Variants in PEX5L observed in about 807,000 individuals in gnomAD.
The protein encoded by PEX5L is PEX5-related protein.
In PEX5L, 30 loss-of-function variants were observed where a neutral mutation model predicts 84.0. That is an observed-to-expected ratio of 0.36 (90% CI 0.27 to 0.48). PEX5L has a LOEUF of 0.48. PEX5L is among the 20% of genes least tolerant of loss of function. The probability of loss-of-function intolerance (pLI) is 0.99; values close to 1 mark genes in which losing one functional copy is unlikely to be tolerated. For missense variants in PEX5L, 533 were observed against 754.6 expected, an observed-to-expected ratio of 0.71 and a Z score of 3.44; for synonymous variants, 270 against 283.1, an observed-to-expected ratio of 0.95 and a Z score of 0.46.
intron 2 of PEX5L, among the ~76,000 whole-genome samples, chr3:179,915,301 G>A (rs1766629847): frequency 6.6e-6 from 1 of 152,182 alleles, no homozygotes; most frequent in South Asian, 2.1e-4. Context: ...GGGATGGGAG[G>A]TTTTGAATTT....
At chr3:179,921,566 A>T (rs889849551) in intron 2 of PEX5L, 9 of 152,188 alleles carry the variant, frequency 5.9e-5, no homozygotes. Context: ...GCAACCTACC[A>T]AGTATCATCA....
At chr3:179,938,037 C>A (rs1004343805) in intron 2 of PEX5L, among the ~76,000 whole-genome samples, 2 of 151,994 alleles carry the variant, frequency 1.3e-5, no homozygotes, top group Non-Finnish European at 2.9e-5. Context: ...CTACCTTCAC[C>A]ACCTCCAACA....
intron 1 of PEX5L, among the ~76,000 whole-genome samples, chr3:180,012,513 T>C (rs565298433): frequency 1.3e-5 from 2 of 152,248 alleles, no homozygotes; most frequent in South Asian, 4.1e-4. Flanking sequence ...TTTAAACCCA[T>C]TGTCTTCTTT....
chr3:179,948,097 T>C (rs1024537547), intron 2 of PEX5L, among the ~76,000 whole-genome samples: 1 of 152,218 alleles, frequency 6.6e-6, no homozygotes, highest in Non-Finnish European at 1.5e-5. Flanking sequence ...CAGATGCTTT[T>C]TCTTAGTTAA....
chr3:179,816,244 A>G (rs1457987612), intron 9 of PEX5L, among the ~76,000 whole-genome samples: 3 of 152,222 alleles, frequency 2.0e-5, no homozygotes, highest in Non-Finnish European at 4.4e-5. Flanking sequence ...CCCATTACTG[A>G]GTATATACCC....
At chr3:180,024,547 A>AAC (rs1333445240) in intron 1 of PEX5L, among the ~76,000 whole-genome samples, 1 of 104,196 alleles carries the variant, frequency 9.6e-6, no homozygotes, top group Admixed American at 8.0e-5. Flanking sequence ...TCCGTTTCAA[A>AAC]AAAAAAAAAA....
intron 2 of PEX5L, among the ~76,000 whole-genome samples, chr3:179,945,701 C>A (rs1438335532): frequency 6.6e-6 from 1 of 152,180 alleles, no homozygotes; most frequent in African/African-American, 2.4e-5. Flanking sequence ...CTTGGGAGTG[C>A]TACAGAGGTT....
intron 1 of PEX5L, among the ~76,000 whole-genome samples, chr3:180,028,379 C>T (rs890863928): frequency 7.2e-5 from 11 of 151,998 alleles, no homozygotes; most frequent in African/African-American, 2.2e-4. Context: ...GCTTACAGGC[C>T]GTATTTTCTT....
At chr3:179,832,850 T>C (rs1405086706) in intron 8 of PEX5L, among the ~76,000 whole-genome samples, 2 of 152,048 alleles carry the variant, frequency 1.3e-5, no homozygotes, top group South Asian at 2.1e-4. Flanking sequence ...CCTACCTACC[T>C]ACCCACCAAC....
At chr3:179,864,854 A>G (rs1022042875) in intron 7 of PEX5L, among the ~76,000 whole-genome samples, 2 of 152,164 alleles carry the variant, frequency 1.3e-5, no homozygotes, top group African/African-American at 4.8e-5. Flanking sequence ...ATCTTTGTGC[A>G]TTTATATAAT....
intron 1 of PEX5L, among the ~76,000 whole-genome samples, chr3:180,034,370 A>G (rs1791712105): frequency 6.6e-6 from 1 of 152,198 alleles, no homozygotes; most frequent in South Asian, 2.1e-4. Context: ...TTTTAATCAT[A>G]CACATTTTGG....
intron 9 of PEX5L, among the ~76,000 whole-genome samples, chr3:179,819,466 C>T (rs922252838): frequency 6.6e-6 from 1 of 152,166 alleles, no homozygotes; most frequent in Non-Finnish European, 1.5e-5. Context: ...ATTCCCATGC[C>T]ACTGGTATCA....
intron 2 of PEX5L, among the ~76,000 whole-genome samples, chr3:179,922,747 C>T (rs1172825196): frequency 1.3e-5 from 2 of 151,894 alleles, no homozygotes; most frequent in African/African-American, 2.4e-5. Context: ...AGCCACTGTG[C>T]CCAGCCCTTT....
At chr3:179,910,352 A>G (rs950259247) in intron 2 of PEX5L, among the ~76,000 whole-genome samples, 3 of 152,326 alleles carry the variant, frequency 2.0e-5, no homozygotes, top group Middle Eastern at 3.4e-3. Flanking sequence ...CTGCTTGAAA[A>G]CAATTTTCTT....
At chr3:180,006,712 G>C (rs1239420843) in intron 1 of PEX5L, among the ~76,000 whole-genome samples, 4 of 152,138 alleles carry the variant, frequency 2.6e-5, no homozygotes, top group Non-Finnish European at 5.9e-5. Context: ...TTACATTTTG[G>C]CAGCAAGAGA....
rs753905201 is a variant in PEX5L at position 179,801,878 on chromosome 3, T to G, written c.1831A>C (p.Asn611His). Residue 611 changes from asparagine (N) to histidine (H), a missense_variant, in exon 15 of 15, where the codon AAT (asparagine) becomes CAT (histidine). Asn to His is a moderately conservative substitution (Grantham distance 68). Around this residue, in one of 8 missense-constraint regions of PEX5L, gnomAD observed 105 missense variants for 204.6 expected, o/e 0.51. Transcript: ENST00000467460. ...AAGAGGACATCCAGGTCACCAAGAT[T>G]AGCCGCCTGGAAGAGTTCTGGTTGG... The part of the protein sequence containing the change: ...MDQPELFQAA[N>H]LGDLDVLLRA... 13 of 1,613,990 alleles carry G rather than the reference T, an allele frequency of 8.1e-6. No individual in the cohort carries two copies. The highest frequency in any genetic ancestry group is 3.3e-5 in the Admixed American group (2 of 60,006).
intron 2 of PEX5L, among the ~76,000 whole-genome samples, chr3:179,923,681 T>C (rs1440031965): frequency 6.6e-6 from 1 of 152,206 alleles, no homozygotes; most frequent in African/African-American, 2.4e-5. Flanking sequence ...GCTTTCCCAC[T>C]TAGTAGCAGT....
At chr3:179,922,322 A>G (rs1367244361) in intron 2 of PEX5L, among the ~76,000 whole-genome samples, 16 of 152,188 alleles carry the variant, frequency 1.1e-4, no homozygotes, top group Non-Finnish European at 2.2e-4. Flanking sequence ...AAAGCACAAG[A>G]TGCTACGGGA....
At chr3:179,924,351 C>G (rs1333126561) in intron 2 of PEX5L, among the ~76,000 whole-genome samples, 4 of 152,186 alleles carry the variant, frequency 2.6e-5, no homozygotes, top group African/African-American at 9.7e-5. Flanking sequence ...GGGTTCAAAG[C>G]AGAGTCATCT....
Sources: gnomAD v4.1 joint callset for allele counts (sites outside exome capture counted in the v4.1 genomes callset) on GRCh38, gnomAD v4.1.1 for gene constraint, gnomAD v4.1.1 regional missense constraint, MANE v1.5 for transcripts, NCBI Gene and HGNC (gene_info 2026-07-23, HGNC 2026-07-21) for gene names.